The following DNAAF6 variants were observed in gnomAD, a reference collection of about 807,000 sequenced individuals.
DNAAF6 encodes the protein dynein axonemal assembly factor 6.
A neutral mutation model predicts 13.7 loss-of-function variants in DNAAF6; 3 were observed. That is an observed-to-expected ratio of 0.22 (90% CI 0.10 to 0.56). DNAAF6 has a LOEUF of 0.56. Among genes scored for constraint, DNAAF6 ranks in the 20% least tolerant of loss-of-function variants. The probability of loss-of-function intolerance (pLI) is 0.92; values close to 1 mark genes in which losing one functional copy is unlikely to be tolerated. For missense variants in DNAAF6, 130 were observed against 151.0 expected (o/e 0.86, Z 0.73); for synonymous variants, 54 against 49.2 (o/e 1.10, Z -0.41).
chrX:107,220,559 T>G (rs1330300854), intron 4 of DNAAF6, among the ~76,000 whole-genome samples: 4 of 112,141 alleles, frequency 3.6e-5, no homozygotes, highest in Non-Finnish European at 7.5e-5. Context: ...ATCTTCTACC[T>G]TATGAAAATA....
chrX:107,243,700 C>T lies in DNAAF6; in HGVS notation c.*402C>T, dbSNP rs1461698197. On this transcript the variant is annotated 3_prime_UTR_variant, in exon 7 of 7. Coordinates refer to ENST00000372453, the MANE Select transcript of DNAAF6 (RefSeq NM_173494.2). ...CAAACAAAAAAAGGAAATATGTTTT[C>T]TTATGTAAATAAACTATTCTATTTT... is the stretch of plus-strand genomic sequence containing the variant. 8 of 116,234 alleles carry T rather than the reference C, an allele frequency of 6.9e-5. No individual in the cohort carries two copies. The Admixed American group carries it at 7.3e-4, about 11-fold the overall frequency. The allele number at this position is 116,234 out of a possible 1,213,427, so 9.6% of individuals were successfully genotyped here.
At chrX:107,219,295 A>T (rs1238589538) in intron 4 of DNAAF6, among the ~76,000 whole-genome samples, 1 of 112,208 alleles carries the variant, frequency 8.9e-6, no homozygotes, top group Non-Finnish European at 1.9e-5. Context: ...GCAAGCATTC[A>T]TACAAACTAA....
chrX:107,220,943 CTTTCTTTCTTTCTT>C (rs1322652335), intron 4 of DNAAF6, among the ~76,000 whole-genome samples: 2 of 48,563 alleles, frequency 4.1e-5, no homozygotes, highest in African/African-American at 1.4e-4. Context: ...TTCTTTCTTT[CTTTCTTTCTTTCTT>C]TTTCTTTCTT....
intron 2 of DNAAF6, among the ~76,000 whole-genome samples, chrX:107,214,733 A>G (rs1658863670): frequency 8.9e-6 from 1 of 112,140 alleles, no homozygotes; most frequent in Admixed American, 9.5e-5. Flanking sequence ...ATGAACTATT[A>G]CATTTTCCAG....
At chrX:107,242,487 A>G (rs968240567) in intron 6 of DNAAF6, among the ~76,000 whole-genome samples, 1 of 112,739 alleles carries the variant, frequency 8.9e-6, no homozygotes, top group Non-Finnish European at 1.9e-5. Context: ...TTCCAAAACC[A>G]GCATGTGCTG....
intron 1 of DNAAF6, 83 bp from the exon 2 acceptor site, chrX:107,212,790 G>A: frequency 9.9e-7 from 1 of 1,006,278 alleles, no homozygotes; most frequent in East Asian, 3.6e-5. Context: ...AGGGAAAGAA[G>A]GGAGATATGA....
intron 5 of DNAAF6, among the ~76,000 whole-genome samples, chrX:107,225,280 G>T (rs929574761): frequency 9.0e-6 from 1 of 110,903 alleles, no homozygotes; most frequent in African/African-American, 3.3e-5. Context: ...GAGTAAATAG[G>T]TTGTTGAGCC....
chrX:107,225,430 T>C (rs1928233242), intron 5 of DNAAF6, among the ~76,000 whole-genome samples: 1 of 111,572 alleles, frequency 9.0e-6, no homozygotes, highest in Admixed American at 9.6e-5. Flanking sequence ...AAAATAGTTA[T>C]AATGCCATAT....
At chrX:107,214,445 C>G (rs1434469220) in intron 2 of DNAAF6, among the ~76,000 whole-genome samples, 2 of 110,972 alleles carry the variant, frequency 1.8e-5, no homozygotes, top group African/African-American at 6.5e-5. Flanking sequence ...AAGGATTTAC[C>G]CTGGTTACAG....
intron 5 of DNAAF6, among the ~76,000 whole-genome samples, chrX:107,233,104 A>C (rs745895045): frequency 1.8e-5 from 2 of 111,701 alleles, no homozygotes; most frequent in Non-Finnish European, 3.8e-5. Flanking sequence ...TAATCTTAGA[A>C]ATATCAATAA....
At chrX:107,234,959 A>G (rs1333302428) in intron 5 of DNAAF6, among the ~76,000 whole-genome samples, 1 of 111,993 alleles carries the variant, frequency 8.9e-6, no homozygotes, top group Non-Finnish European at 1.9e-5. Context: ...CACATCTCTC[A>G]TAAGAACACG....
intron 5 of DNAAF6, among the ~76,000 whole-genome samples, chrX:107,223,295 A>G (rs754180336): frequency 3.3e-4 from 37 of 111,678 alleles, no homozygotes; most frequent in African/African-American, 1.1e-3. Context: ...TGTGGGACTT[A>G]AAAAGGGATT....
intron 6 of DNAAF6, among the ~76,000 whole-genome samples, chrX:107,239,707 A>G (rs1465595395): frequency 1.8e-5 from 2 of 111,950 alleles, no homozygotes; most frequent in African/African-American, 6.5e-5. Flanking sequence ...CCCAATATGC[A>G]TATGTAGCTT....
intron 5 of DNAAF6, among the ~76,000 whole-genome samples, chrX:107,227,166 A>G (rs1300937467): frequency 1.8e-5 from 2 of 111,581 alleles, no homozygotes; most frequent in African/African-American, 6.5e-5. Context: ...GCCTCAACTC[A>G]CTATAGCCTC....
At chrX:107,208,376 T>A (rs190407189) in intron 1 of DNAAF6, among the ~76,000 whole-genome samples, 165 of 107,682 alleles carry the variant, frequency 1.5e-3, no homozygotes, top group Non-Finnish European at 2.8e-3. Context: ...GAGGCTGCAG[T>A]GAGCCGAGAT....
intron 5 of DNAAF6, among the ~76,000 whole-genome samples, chrX:107,227,483 C>G (rs5962390): frequency 0.19 from 20,182 of 108,653 alleles, 1,549 homozygotes; most frequent in East Asian, 0.47. Flanking sequence ...GAGGATGGAC[C>G]TAGTTTTTTT....
intron 3 of DNAAF6, 78 bp downstream of exon 3, chrX:107,216,821 C>T: frequency 1.6e-6 from 1 of 642,008 alleles, no homozygotes; most frequent in Non-Finnish European, 2.3e-6. Flanking sequence ...GTAATAAGTA[C>T]TAATACTAGT....
At chrX:107,234,111 T>G (rs1461957579) in intron 5 of DNAAF6, among the ~76,000 whole-genome samples, 1 of 73,184 alleles carries the variant, frequency 1.4e-5, no homozygotes, top group Non-Finnish European at 2.3e-5. Flanking sequence ...GTGAGTTGAC[T>G]CCTGTGGTGG....
intron 5 of DNAAF6, among the ~76,000 whole-genome samples, chrX:107,234,844 A>G (rs1190452334): frequency 8.9e-6 from 1 of 111,792 alleles, no homozygotes; most frequent in East Asian, 2.8e-4. Flanking sequence ...TCTCTTGTCA[A>G]TTTTCAAACA....
Sources: gnomAD v4.1 joint callset for allele counts (sites outside exome capture counted in the v4.1 genomes callset) on GRCh38, gnomAD v4.1.1 for gene constraint, MANE v1.5 for transcripts, NCBI Gene and HGNC (gene_info 2026-07-23, HGNC 2026-07-21) for gene names.